Variants in GSAP observed in about 807,000 individuals in gnomAD.
GSAP encodes the protein gamma-secretase activating protein.
In GSAP, 118 loss-of-function variants were observed where a neutral mutation model predicts 131.7. The ratio of observed to expected loss-of-function variants is 0.90; its 90% CI spans 0.77 to 1.04. The LOEUF is 1.04. Ranked by LOEUF, GSAP falls within the 50% of genes least tolerant of loss-of-function variation. The probability of loss-of-function intolerance (pLI) is 0.00; values close to 1 mark genes in which losing one functional copy is unlikely to be tolerated. For synonymous variants in GSAP, 381 were observed against 363.4 expected (o/e 1.05, Z -0.55); for missense variants, 1,019 against 1,013.2 (o/e 1.01, Z -0.08).
chr7:77,366,227 T>G (rs1487452573), intron 12 of GSAP, among the ~76,000 whole-genome samples: 1 of 152,202 alleles, frequency 6.6e-6, no homozygotes, highest in Non-Finnish European at 1.5e-5. Context: ...GTGCAGAAGC[T>G]CTTAAGTTTA....
intron 3 of GSAP, among the ~76,000 whole-genome samples, chr7:77,401,261 G>A (rs1324582729): frequency 6.6e-6 from 1 of 151,674 alleles, no homozygotes. Flanking sequence ...ACCCCAAACA[G>A]GCAAAATCCA....
chr7:77,376,922 A>G lies in GSAP; in HGVS notation c.682-15T>C, dbSNP rs186977892. ...CTCCTTGATTTCTAAAAGAGAAAAC[A>G]GAATGGCATATTAAAAAACCAGGAA... On this transcript the variant is annotated splice_polypyrimidine_tract_variant and intron_variant, in intron 9 of 30. Transcript: ENST00000257626. The G allele has an allele frequency of 5.4e-5, 72 of 1,335,420 alleles. No homozygotes were observed. The East Asian group carries it at 1.5e-3, about 28-fold the overall frequency. The allele number at this position is 1,335,420 out of a possible 1,614,324, so 82.7% of individuals were successfully genotyped here. A position where few individuals can be genotyped will look rare whatever the true frequency, so the allele number is the denominator to read the frequency against.
intron 6 of GSAP, among the ~76,000 whole-genome samples, chr7:77,386,712 G>C (rs1000149616): frequency 1.3e-5 from 2 of 152,152 alleles, no homozygotes; most frequent in Non-Finnish European, 2.9e-5. Flanking sequence ...CACAAAAATT[G>C]AAAGATGGAA....
At chr7:77,410,993 T>G (rs1363000712) in intron 1 of GSAP, among the ~76,000 whole-genome samples, 2 of 151,024 alleles carry the variant, frequency 1.3e-5, no homozygotes, top group African/African-American at 2.4e-5. Context: ...ATATTTCATA[T>G]TCTGAGTAAA....
chr7:77,359,001 A>G (rs1192502079), intron 14 of GSAP, among the ~76,000 whole-genome samples: 2 of 152,210 alleles, frequency 1.3e-5, no homozygotes, highest in Admixed American at 6.5e-5. Context: ...CCTGGCCAAG[A>G]TGGTGAAACA....
intron 16 of GSAP, among the ~76,000 whole-genome samples, chr7:77,354,328 A>G (rs1400663990): frequency 6.6e-6 from 1 of 152,206 alleles, no homozygotes; most frequent in Non-Finnish European, 1.5e-5. Flanking sequence ...TAAAATGTGG[A>G]TGCAGAGAGT....
intron 10 of GSAP, among the ~76,000 whole-genome samples, chr7:77,376,628 T>C (rs960074043): frequency 5.3e-5 from 8 of 151,740 alleles, no homozygotes; most frequent in Non-Finnish European, 4.4e-5. Context: ...ACAAAAAAAA[T>C]TATCTGGTCG....
chr7:77,371,154 A>G (rs1796060843), intron 12 of GSAP, among the ~76,000 whole-genome samples: 1 of 152,138 alleles, frequency 6.6e-6, no homozygotes, highest in Admixed American at 6.5e-5. Context: ...TCTAAAACAA[A>G]ACTCACAATC....
chr7:77,312,429 T>G (rs772414533), intron 28 of GSAP, among the ~76,000 whole-genome samples: 6 of 152,194 alleles, frequency 3.9e-5, no homozygotes, highest in Non-Finnish European at 7.3e-5. Flanking sequence ...TATACACTGA[T>G]GTTGCCAAAC....
rs1275279419 is a variant in GSAP at position 77,355,241 on chromosome 7, C to T, written c.1310G>A (p.Gly437Asp). The T allele has an allele frequency of 9.9e-6, 16 of 1,613,414 alleles. No individual in the cohort carries two copies. The highest frequency in any genetic ancestry group is 1.4e-5 in the Non-Finnish European group (16 of 1,179,368). ...MAALHCALYC[G>D]QGAQFLEAQI... ...GGCTTCCAGGAACTGCGCACCTTGA[C>T]CGCAGTAGAGCGCGCAGTGCAACGC... Residue 437 changes from glycine to aspartate, a missense_variant, in exon 16 of 31, where the codon GGT (glycine) becomes GAT (aspartate). Gly to Asp is a moderately conservative substitution (Grantham distance 94, BLOSUM62 -1). Transcript: ENST00000257626.
At chr7:77,412,941 T>G (rs754289113) in intron 1 of GSAP, among the ~76,000 whole-genome samples, 2 of 152,176 alleles carry the variant, frequency 1.3e-5, no homozygotes, top group Non-Finnish European at 2.9e-5. Flanking sequence ...AGCCTATGAC[T>G]TAGCAACTCT....
chr7:77,313,737 G>C (rs1794671986), intron 27 of GSAP, among the ~76,000 whole-genome samples, 188 bp from the exon 28 acceptor site: 2 of 152,158 alleles, frequency 1.3e-5, no homozygotes, highest in African/African-American at 4.8e-5. Flanking sequence ...TCTATAACAG[G>C]CTGCCAGGTA....
rs112312776 is a variant in GSAP at position 77,375,045 on chromosome 7, A to G, written c.785+13T>C. Reference sequence around the variant, plus strand: ...TATCTATAAAAATTAGTAACAACCTATGAATAACTTACTTAAATCCTGAGT... The same window carrying G: ...TATCTATAAAAATTAGTAACAACCTGTGAATAACTTACTTAAATCCTGAGT... On this transcript the variant is annotated intron_variant, in intron 11 of 30. Coordinates refer to ENST00000257626, the MANE Select transcript of GSAP (RefSeq NM_017439.4). The G allele has an allele frequency of 2.3e-6, 3 of 1,325,194 alleles. No homozygotes were observed. Among genetic ancestry groups the G allele is most frequent in the African/African-American group, 1.5e-5 (1 of 68,550 alleles). The allele number at this position is 1,325,194 out of a possible 1,614,324, so 82.1% of individuals were successfully genotyped here.
At chr7:77,403,482 A>G (rs1341516549) in intron 3 of GSAP, among the ~76,000 whole-genome samples, 1 of 152,222 alleles carries the variant, frequency 6.6e-6, no homozygotes, top group Non-Finnish European at 1.5e-5. Context: ...TTGTTTTTAC[A>G]TAGGTACAAA....
chr7:77,399,050 A>G (rs1328099132), intron 3 of GSAP, among the ~76,000 whole-genome samples: 1 of 152,230 alleles, frequency 6.6e-6, no homozygotes, highest in Non-Finnish European at 1.5e-5. Flanking sequence ...ATGGGCATTT[A>G]GTTTGCCTCC....
At chr7:77,382,383 GC>G (rs1797929317) in intron 7 of GSAP, among the ~76,000 whole-genome samples, 190 bp downstream of exon 7, 3 of 152,144 alleles carry the variant, frequency 2.0e-5, no homozygotes, top group Non-Finnish European at 4.4e-5. Flanking sequence ...GCTGAACACA[GC>G]CAAAGGGAAC....
chr7:77,362,512 A>G (rs1244756652), intron 13 of GSAP, 71 bp downstream of exon 13: 14 of 818,410 alleles, frequency 1.7e-5, no homozygotes, highest in Non-Finnish European at 2.9e-5. Context: ...AACACTGTTA[A>G]GAGCTATCTA....
chr7:77,355,226 A>G lies in GSAP; in HGVS notation c.1325T>C (p.Phe442Ser), dbSNP rs1027761747. 1.9e-6 allele frequency: 3 copies of G among 1,609,960 alleles called. No individual in the cohort carries two copies. The highest frequency in any genetic ancestry group is 1.7e-5 in the Admixed American group (1 of 59,988). Residue 442 changes from phenylalanine (F) to serine (S), a missense_variant, in exon 16 of 31, where the codon TTC becomes TCC. Physicochemically the swap from Phe to Ser is radical, Grantham distance 155. Coordinates refer to ENST00000257626, the MANE Select transcript of GSAP (RefSeq NM_017439.4). ...CTATCTTCTCACCTGGGCTTCCAGG[A>G]ACTGCGCACCTTGACCGCAGTAGAG... Reference protein sequence around the residue: ...CALYCGQGAQFLEAQIIQWIS... With the variant: ...CALYCGQGAQSLEAQIIQWIS...
chr7:77,385,323 T>C (rs1413592768), intron 6 of GSAP, among the ~76,000 whole-genome samples: 6 of 152,232 alleles, frequency 3.9e-5, no homozygotes, highest in Non-Finnish European at 8.8e-5. Context: ...CATGAGCCAC[T>C]GCGCCCAGCC....
Sources: allele counts gnomAD v4.1 joint callset (sites outside exome capture counted in the v4.1 genomes callset), GRCh38; gene constraint gnomAD v4.1.1; transcripts MANE v1.5; gene names NCBI Gene and HGNC (gene_info 2026-07-23, HGNC 2026-07-21).